The following TG variants were observed in gnomAD, a reference collection of about 807,000 sequenced individuals.
The protein encoded by TG is thyroglobulin.
In TG, 270 loss-of-function variants were observed where a neutral mutation model predicts 324.7. That is an observed-to-expected ratio of 0.83 (90% CI 0.75 to 0.92). The LOEUF (loss-of-function observed/expected upper bound fraction) is 0.92, where lower values mean the gene tolerates loss of function less well. TG is among the 40% of genes least tolerant of loss of function. The pLI, the probability that TG is intolerant of heterozygous loss-of-function variation, is 0.00. For synonymous variants in TG, 1,401 were observed against 1,327.0 expected (o/e 1.06, Z -1.21); for missense variants, 3,591 against 3,456.4 (o/e 1.04, Z -0.98).
At position 132,901,436 on chromosome 8, in the gene TG, G is replaced by T; in HGVS notation, c.3517G>T (p.Asp1173Tyr). ...CTATGTCCCAGCCTGCAGGGCAGAGGATGGGGGCTTTTCCCCAGTGCAATG... is the reference window on the plus strand; with the variant it reads ...CTATGTCCCAGCCTGCAGGGCAGAGTATGGGGGCTTTTCCCCAGTGCAATG... ...PGYVPACRAE[D>Y]GGFSPVQCDQ... is the part of the protein sequence containing the mutation. Residue 1173 changes from aspartate to tyrosine, a missense_variant, in exon 16 of 48, where the codon GAT (aspartate) becomes TAT (tyrosine). Physicochemically the swap from Asp to Tyr is radical, Grantham distance 160. Transcript: ENST00000220616. 2 of 1,614,264 alleles carry T rather than the reference G, an allele frequency of 1.2e-6. No individual in the cohort carries two copies. Among genetic ancestry groups the T allele is most frequent in the Non-Finnish European group, 1.7e-6 (2 of 1,180,052 alleles).
In TG at chr8:132,873,191, T is replaced by C; in HGVS notation, c.608T>C (p.Met203Thr). The C allele has an allele frequency of 6.2e-7, 1 of 1,614,158 alleles. No homozygotes were observed. Among genetic ancestry groups the C allele is most frequent in the Non-Finnish European group, 8.5e-7 (1 of 1,180,028 alleles). ...QCKFVNTTDMMIFDLVHSYNR... is the reference protein window; with the variant it reads ...QCKFVNTTDMTIFDLVHSYNR... ...AAATTTGTCAACACCACAGACATGA[T>C]GATTTTTGATCTGGTCCACAGCTAC... Residue 203 changes from methionine to threonine, a missense_variant, in exon 5 of 48, where the codon ATG becomes ACG. Transcript: ENST00000220616.
intron 41 of TG, among the ~76,000 whole-genome samples, chr8:133,045,763 T>C (rs1310446840): frequency 1.3e-5 from 2 of 152,146 alleles, no homozygotes; most frequent in East Asian, 1.9e-4. Flanking sequence ...AATGGAATGA[T>C]TGTAGTTTGG....
At chr8:133,014,967 C>T (rs1834886813) in intron 37 of TG, among the ~76,000 whole-genome samples, 1 of 152,128 alleles carries the variant, frequency 6.6e-6, no homozygotes, top group Non-Finnish European at 1.5e-5. Flanking sequence ...GTCACTGCAA[C>T]CTCTGCCCCC....
intron 5 of TG, among the ~76,000 whole-genome samples, chr8:132,878,115 GA>G (rs1814094688): frequency 6.6e-6 from 1 of 151,974 alleles, no homozygotes; most frequent in Admixed American, 6.5e-5. Context: ...CCAAAGAAAA[GA>G]AAAAAATAGT....
chr8:133,133,532 A>C lies in TG; in HGVS notation c.8060A>C (p.Asp2687Ala), dbSNP rs769942851. 6.2e-7 allele frequency: 1 copy of C among 1,614,070 alleles called. No homozygotes were observed. Among genetic ancestry groups the C allele is most frequent in the Admixed American group, 1.7e-5 (1 of 60,008 alleles). The part of the protein sequence containing the change: ...KVPTFATPWP[D>A]FVPRAGGENY... ...CCCACATTTGCAACCCCCTGGCCTG[A>C]CTTTGTACCCCGTGCTGGTGGAGAG... The change falls in exon 47 of 48, where the codon GAC (aspartate) becomes GCC (alanine). Residue 2687 changes from aspartate (D) to alanine (A), a missense_variant. By Grantham distance (126) the Asp-to-Ala change is moderately radical. Transcript: ENST00000220616.
At chr8:132,960,915 G>C (rs1827656230) in intron 27 of TG, 93 bp from the exon 28 acceptor site, 1 of 1,250,782 alleles carries the variant, frequency 8.0e-7, no homozygotes. Context: ...CCTAGGAAGA[G>C]CCTGTGTCAA....
intron 10 of TG, among the ~76,000 whole-genome samples, chr8:132,891,524 G>A (rs960787426): frequency 1.3e-5 from 2 of 152,070 alleles, no homozygotes; most frequent in African/African-American, 2.4e-5. Context: ...TTGTAGAGAC[G>A]GGGTTTTACC....
At chr8:132,954,531 G>T (rs1175897398) in intron 27 of TG, among the ~76,000 whole-genome samples, 1 of 152,264 alleles carries the variant, frequency 6.6e-6, no homozygotes, top group East Asian at 1.9e-4. Context: ...GAATGACCCC[G>T]CCAGCTAGGC....
chr8:133,122,993 G>T (rs563038335), intron 45 of TG, among the ~76,000 whole-genome samples: 1 of 151,996 alleles, frequency 6.6e-6, no homozygotes, highest in South Asian at 2.1e-4. Flanking sequence ...ACCCTTTGTT[G>T]TGGGAGGCTG....
chr8:132,894,220 C>T (rs190757135), intron 11 of TG, among the ~76,000 whole-genome samples: 2 of 152,254 alleles, frequency 1.3e-5, no homozygotes, highest in East Asian at 1.9e-4. Context: ...GGGACCCAAG[C>T]CCGTGAATGC....
chr8:133,047,566 T>C (rs1839663648), intron 41 of TG: 9 of 499,934 alleles, frequency 1.8e-5, no homozygotes, highest in South Asian at 1.4e-4. Context: ...TCTCAGTTGC[T>C]GGAAAAATTT....
chr8:132,888,188 G>C lies in TG; in HGVS notation c.2381G>C (p.Gly794Ala). The change falls in exon 10 of 48, where the codon GGC becomes GCC. Residue 794 changes from glycine (G) to alanine (A), a missense_variant. Physicochemically the swap from Gly to Ala is moderately conservative, Grantham distance 60 (BLOSUM62 0). Coordinates refer to ENST00000220616, the MANE Select transcript of TG (RefSeq NM_003235.5). ...LYQRWEAQNK[G>A]QDLTPAKLLV... ...CAACGATGGGAGGCTCAGAACAAGG[G>C]CCAGGATCTGACGCCTGCCAAGCTG... 2 of 1,614,168 alleles carry C rather than the reference G, an allele frequency of 1.2e-6. No homozygotes were observed. The highest frequency in any genetic ancestry group is 1.1e-5 in the South Asian group (1 of 91,080).
At chr8:132,868,063 C>T (rs960606810) in intron 1 of TG, 52 bp from the exon 2 acceptor site, 24 of 1,524,708 alleles carry the variant, frequency 1.6e-5, no homozygotes, top group Non-Finnish European at 2.1e-5. Flanking sequence ...CCGTCTCTGT[C>T]CTGGCAGCCC....
rs112741938 is a variant in TG at position 132,989,499 on chromosome 8, G to A, written c.6262+6087G>A. On this transcript the variant is annotated intron_variant, in intron 35 of 47. Transcript: ENST00000220616. ...GCAGCTGAGAGGTGCGAGGTGGAGCGAAGAGAGATGTCTCGTTACAGTTTG... is the reference window on the plus strand; with the variant it reads ...GCAGCTGAGAGGTGCGAGGTGGAGCAAAGAGAGATGTCTCGTTACAGTTTG... Among the ~76,000 whole-genome samples, 346 of 152,320 alleles carry A rather than the reference G, an allele frequency of 2.3e-3. 2 individuals are homozygous for A. The highest frequency in any genetic ancestry group is 0.01 in the Middle Eastern group (3 of 294).
At position 132,972,654 on chromosome 8, in the gene TG, G is replaced by T. The variant is rs1829698253; in HGVS notation, c.6112G>T (p.Glu2038Ter). 1 of 1,613,610 alleles carries T rather than the reference G, an allele frequency of 6.2e-7. No individual in the cohort carries two copies. Among genetic ancestry groups the T allele is most frequent in the African/African-American group, 1.3e-5 (1 of 74,722 alleles). ...CTTGGGAATTCAGATGTGCAGTGAG[G>T]AGAATGGAGGAGCCTGGCGCATTTT... is the stretch of plus-strand genomic sequence containing the variant. ...NSLGIQMCSE[E>*]NGGAWRILDC... The change falls in exon 34 of 48, where the codon GAG (glutamate) becomes TAG (stop). Residue 2038 changes from glutamate (E) to a stop codon, truncating the protein, a stop_gained. Coordinates refer to ENST00000220616, the MANE Select transcript of TG (RefSeq NM_003235.5). LOFTEE classifies it high-confidence loss of function.
In TG at chr8:132,964,823, G is replaced by C. The variant is rs1186417727; in HGVS notation, c.5549-1737G>C. On this transcript the variant is annotated intron_variant, in intron 29 of 47. Coordinates refer to ENST00000220616, the MANE Select transcript of TG (RefSeq NM_003235.5). Reference sequence around the variant, plus strand: ...ATGACAGTGTGGCAAGGGATGCAATGTGGACAGGTGTCGGTTGCAGTGAGA... The same window carrying C: ...ATGACAGTGTGGCAAGGGATGCAATCTGGACAGGTGTCGGTTGCAGTGAGA... 6 of 692,880 alleles carry C rather than the reference G, an allele frequency of 8.7e-6. No homozygotes were observed. In the African/African-American group the frequency reaches 1.1e-4, roughly 12 times the overall value. The allele number at this position is 692,880 out of a possible 1,614,324, so 42.9% of individuals were successfully genotyped here.
intron 35 of TG, among the ~76,000 whole-genome samples, chr8:133,003,905 C>A (rs1833791641): frequency 6.6e-6 from 1 of 152,224 alleles, no homozygotes; most frequent in Non-Finnish European, 1.5e-5. Context: ...TGGTCTTGGG[C>A]AAGTCAGTGG....
At chr8:132,868,852 T>C (rs1244031327) in intron 2 of TG, among the ~76,000 whole-genome samples, 1 of 152,250 alleles carries the variant, frequency 6.6e-6, no homozygotes, top group Admixed American at 6.5e-5. Context: ...AGGAATCCTT[T>C]GCAATGTGCA....
chr8:132,880,161 C>G (rs1371512763), intron 5 of TG, among the ~76,000 whole-genome samples: 3 of 152,184 alleles, frequency 2.0e-5, no homozygotes, highest in Non-Finnish European at 2.9e-5. Flanking sequence ...AATAACACCA[C>G]TGGCAGAGAT....
Sources: allele counts gnomAD v4.1 joint callset (sites outside exome capture counted in the v4.1 genomes callset), GRCh38; gene constraint gnomAD v4.1.1; transcripts MANE v1.5; gene names NCBI Gene and HGNC (gene_info 2026-07-23, HGNC 2026-07-21).